FSHR: variants seen among roughly 807,000 people sequenced by gnomAD.
FSHR encodes the protein follicle stimulating hormone receptor.
FSHR carries 46 observed loss-of-function variants against 52.1 expected under a neutral mutation model. The observed-to-expected ratio is 0.88, with a 90% CI of 0.70 to 1.13. The LOEUF is 1.13. Ranked by LOEUF, FSHR falls within the 50% of genes most tolerant of loss-of-function variation. The pLI is 0.00. For synonymous variants in FSHR, 399 were observed against 309.6 expected, an observed-to-expected ratio of 1.29 and a Z score of -3.03; for missense variants, 964 against 834.6, an observed-to-expected ratio of 1.16 and a Z score of -1.91.
intron 4 of FSHR, among the ~76,000 whole-genome samples, chr2:49,011,008 T>G (rs1177195563): frequency 1.3e-5 from 2 of 151,094 alleles, no homozygotes; most frequent in African/African-American, 2.4e-5. Context: ...TTTTGAAGGG[T>G]TTTTTGTGTC....
chr2:48,983,645 T>G (rs1045486599), intron 6 of FSHR, among the ~76,000 whole-genome samples: 2 of 152,226 alleles, frequency 1.3e-5, no homozygotes, highest in African/African-American at 4.8e-5. Context: ...CAGGCCTGGC[T>G]GTCATCAAAA....
At chr2:49,065,867 G>A (rs988329924) in intron 2 of FSHR, among the ~76,000 whole-genome samples, 12 of 152,112 alleles carry the variant, frequency 7.9e-5, no homozygotes, top group African/African-American at 2.7e-4. Context: ...GAGGTTAATA[G>A]GGAGGCAGGA....
rs6167 is a variant in FSHR, at chr2:48,963,249, G to A, written c.1572C>T (p.Ser524=). 4.3e-6 allele frequency: 7 copies of A among 1,614,168 alleles called. No individual in the cohort carries two copies. Among genetic ancestry groups the A allele is most frequent in the Non-Finnish European group, 5.9e-6 (7 of 1,180,032 alleles). The stretch of plus-strand genomic sequence containing the variant: ...ACATGACATACAGCTGTGACAAAGG[G>A]CTGTCAATATCCATGGGCAGGCAGA... ...VSICLPMDID[S]PLSQLYVMSL... is the part of the protein sequence containing the mutation. Residue 524 remains serine (S), a synonymous_variant, in exon 10 of 10, where the codon AGC becomes AGT. Coordinates refer to ENST00000406846, the MANE Select transcript of FSHR (RefSeq NM_000145.4).
intron 2 of FSHR, among the ~76,000 whole-genome samples, chr2:49,041,230 C>T (rs981993794): frequency 2.6e-5 from 4 of 151,920 alleles, no homozygotes; most frequent in South Asian, 2.1e-4. Flanking sequence ...GGAGGCACAC[C>T]GTGAATATGT....
At chr2:49,017,049 T>C (rs541285815) in intron 4 of FSHR, among the ~76,000 whole-genome samples, 1 of 152,342 alleles carries the variant, frequency 6.6e-6, no homozygotes, top group Admixed American at 6.5e-5. Context: ...AAATACCATG[T>C]GTGTTATTAA....
intron 6 of FSHR, among the ~76,000 whole-genome samples, chr2:48,988,299 A>G (rs1281067569): frequency 6.6e-6 from 1 of 152,186 alleles, no homozygotes; most frequent in Non-Finnish European, 1.5e-5. Flanking sequence ...ATGTAAGTGC[A>G]ATTGCTGGGT....
chr2:49,114,856 T>C (rs535105315), intron 1 of FSHR, among the ~76,000 whole-genome samples: 2 of 152,048 alleles, frequency 1.3e-5, no homozygotes, highest in Non-Finnish European at 2.9e-5. Flanking sequence ...ACAATGATCA[T>C]ACAACCTTTG....
chr2:48,991,109 C>G (rs1675755846), intron 4 of FSHR, among the ~76,000 whole-genome samples: 1 of 152,066 alleles, frequency 6.6e-6, no homozygotes, highest in South Asian at 2.1e-4. Flanking sequence ...AGACTCTCTC[C>G]TGGGAACTGG....
At chr2:48,991,840 G>C (rs999169746) in intron 4 of FSHR, among the ~76,000 whole-genome samples, 6 of 152,172 alleles carry the variant, frequency 3.9e-5, no homozygotes, top group African/African-American at 9.7e-5. Flanking sequence ...ACTCAAGATG[G>C]AGGTGGTGAT....
At chr2:49,145,591 C>T (rs1012450416) in intron 1 of FSHR, among the ~76,000 whole-genome samples, 10 of 152,028 alleles carry the variant, frequency 6.6e-5, no homozygotes, top group African/African-American at 2.4e-4. Context: ...CACAAAGCAA[C>T]ATGCAATTAG....
At chr2:49,111,352 G>A (rs1226717904) in intron 1 of FSHR, among the ~76,000 whole-genome samples, 4 of 152,124 alleles carry the variant, frequency 2.6e-5, no homozygotes, top group Non-Finnish European at 5.9e-5. Context: ...TTCTCCCCAG[G>A]TGTTTTCGCC....
rs1673171489 is a variant in FSHR, at chr2:49,154,395, A to G, written c.23T>C (p.Leu8Ser). ...TGAGCCCAAGCTCAGGAATGCCAGC[A>G]AAGAGACCAGGAGCAGGGCCATAAT... MALLLVS[L>S]LAFLSLGSGC... Residue 8 changes from leucine (L) to serine (S), a missense_variant, in exon 1 of 10, where the codon TTG (leucine) becomes TCG (serine). Transcript: ENST00000406846. 1 of 1,612,940 alleles carries G rather than the reference A, an allele frequency of 6.2e-7. No homozygotes were observed. Among genetic ancestry groups the G allele is most frequent in the Admixed American group, 1.7e-5 (1 of 60,010 alleles).
chr2:48,991,747 T>C (rs1675792370), intron 4 of FSHR, among the ~76,000 whole-genome samples: 1 of 152,228 alleles, frequency 6.6e-6, no homozygotes, highest in Admixed American at 6.5e-5. Context: ...CGCATTGTTC[T>C]TTGTCATTTC....
At chr2:49,024,504 G>T (rs1667852086) in intron 2 of FSHR, among the ~76,000 whole-genome samples, 1 of 152,124 alleles carries the variant, frequency 6.6e-6, no homozygotes. Flanking sequence ...AACCTGGGAG[G>T]AGTTTGCAGT....
chr2:49,091,126 A>G (rs1348973965), intron 1 of FSHR, among the ~76,000 whole-genome samples: 1 of 138,668 alleles, frequency 7.2e-6, no homozygotes, highest in Non-Finnish European at 1.6e-5. Flanking sequence ...ATGAAGTCCA[A>G]CTTACCATTT....
At chr2:48,999,478 G>A (rs553136113) in intron 4 of FSHR, among the ~76,000 whole-genome samples, 105 of 152,166 alleles carry the variant, frequency 6.9e-4, no homozygotes, top group Non-Finnish European at 6.9e-4. Context: ...AGTTGCCCAA[G>A]AAGAAATGGA....
At chr2:48,967,156 C>A (rs1165336347) in intron 9 of FSHR, among the ~76,000 whole-genome samples, 1 of 152,164 alleles carries the variant, frequency 6.6e-6, no homozygotes, top group Non-Finnish European at 1.5e-5. Flanking sequence ...AGTACAGTGG[C>A]ACAATTATAG....
chr2:49,142,117 C>A (rs188045919), intron 1 of FSHR, among the ~76,000 whole-genome samples: 1 of 152,182 alleles, frequency 6.6e-6, no homozygotes, highest in African/African-American at 2.4e-5. Context: ...TCTTTCAACT[C>A]ATATATGTAT....
intron 2 of FSHR, among the ~76,000 whole-genome samples, chr2:49,067,013 A>G (rs1231453412): frequency 6.6e-6 from 1 of 152,024 alleles, no homozygotes; most frequent in African/African-American, 2.4e-5. Context: ...GTGATAGTTG[A>G]ATGTCCTCAA....
Sources: gnomAD v4.1 joint callset for allele counts (sites outside exome capture counted in the v4.1 genomes callset) on GRCh38, gnomAD v4.1.1 for gene constraint, MANE v1.5 for transcripts, NCBI Gene and HGNC (gene_info 2026-07-23, HGNC 2026-07-21) for gene names.